Variants in LIPA observed in about 807,000 individuals in gnomAD.
The protein encoded by LIPA is lysosomal acid lipase/cholesteryl ester hydrolase.
Under a neutral mutation model 40.6 loss-of-function variants are expected in LIPA, and 26 were observed. The ratio of observed to expected loss-of-function variants is 0.64; its 90% CI spans 0.47 to 0.89. The LOEUF (loss-of-function observed/expected upper bound fraction) is 0.89. Ranked by LOEUF, LIPA falls within the 40% of genes least tolerant of loss-of-function variation. The probability of loss-of-function intolerance (pLI) is 0.00; values close to 1 mark genes in which losing one functional copy is unlikely to be tolerated. For missense variants in LIPA, 455 were observed against 479.6 expected, an observed-to-expected ratio of 0.95 and a Z score of 0.48; for synonymous variants, 188 against 168.4, an observed-to-expected ratio of 1.12 and a Z score of -0.90.
chr10:89,230,507 A>T (rs1456422622), intron 3 of LIPA, among the ~76,000 whole-genome samples: 1 of 152,060 alleles, frequency 6.6e-6, no homozygotes, highest in African/African-American at 2.4e-5. Flanking sequence ...GTGTTTCACC[A>T]TGTTCCCAGG....
chr10:89,232,729 G>GA lies in LIPA; in HGVS notation c.230-4332dup, dbSNP rs1327082143. Among the ~76,000 whole-genome samples, 21 of 152,314 alleles carry GA rather than the reference G, an allele frequency of 1.4e-4. No individual in the cohort carries two copies. In the East Asian group the frequency reaches 3.7e-3, roughly 27 times the overall value. On this transcript the variant is annotated intron_variant, in intron 3 of 9. Transcript: ENST00000336233. ...AGGACTCAGCTCCCCACCTTCTCTC[G>GA]ATGGAGAATGTTTAAAATTTCCCTA...
intron 1 of LIPA, among the ~76,000 whole-genome samples, chr10:89,324,702 G>A (rs980505415): frequency 6.6e-6 from 1 of 152,148 alleles, no homozygotes; most frequent in Non-Finnish European, 1.5e-5. Context: ...TTAAAAAGTG[G>A]GCAAAGGACA....
At chr10:89,405,816 A>G (rs1050321169) in intron 2 of LIPA, 2 of 152,194 alleles carry the variant, frequency 1.3e-5, no homozygotes, top group South Asian at 2.1e-4. Flanking sequence ...CCTTAATTTA[A>G]TAACATCTGC....
Position 89,214,607 on chromosome 10 carries a change from G to T in LIPA, c.*221C>A. The T allele has an allele frequency of 1.9e-6, 1 of 522,734 alleles. No homozygotes were observed. The highest frequency in any genetic ancestry group is 3.2e-5 in the Admixed American group (1 of 30,802). 32.4% of individuals were successfully genotyped at this position (522,734 alleles called of 1,614,324 possible). A position where few individuals can be genotyped will look rare whatever the true frequency, so the allele number is the denominator to read the frequency against. ...GACTTAAAGAGACAATACTATGGTT[G>T]AGACACTGGCTTCCTATTCCAGCCC... On this transcript the variant is annotated 3_prime_UTR_variant, in exon 10 of 10. Transcript: ENST00000336233.
chr10:89,366,433 CT>C (rs1184132957), intron 2 of LIPA, among the ~76,000 whole-genome samples: 1 of 152,120 alleles, frequency 6.6e-6, no homozygotes, highest in Non-Finnish European at 1.5e-5. Flanking sequence ...ATTGAATATC[CT>C]TTATTTCTTT....
intron 4 of LIPA, 21 bp downstream of exon 4, chr10:89,228,179 C>T: frequency 1.3e-6 from 2 of 1,594,306 alleles, no homozygotes; most frequent in Non-Finnish European, 1.7e-6. Flanking sequence ...TACATCCATG[C>T]CATTATCAAT....
chr10:89,269,706 A>G (rs576108998), intron 1 of LIPA, among the ~76,000 whole-genome samples: 4 of 152,238 alleles, frequency 2.6e-5, no homozygotes, highest in Non-Finnish European at 5.9e-5. Flanking sequence ...AGCTTCAAAA[A>G]TATTAATTTC....
At chr10:89,268,121 C>A (rs927709422) in intron 1 of LIPA, among the ~76,000 whole-genome samples, 4 of 152,216 alleles carry the variant, frequency 2.6e-5, no homozygotes, top group African/African-American at 9.6e-5. Context: ...TTCATATGAT[C>A]TTTATCCACT....
chr10:89,279,669 CA>C (rs1843305661), intron 1 of LIPA, among the ~76,000 whole-genome samples: 1 of 152,114 alleles, frequency 6.6e-6, no homozygotes, highest in Non-Finnish European at 1.5e-5. Context: ...AACCCACAAA[CA>C]AAAAGTGACC....
intron 1 of LIPA, among the ~76,000 whole-genome samples, chr10:89,249,283 C>G (rs1031754478): frequency 4.6e-5 from 7 of 152,218 alleles, no homozygotes; most frequent in African/African-American, 1.4e-4. Context: ...GACTCAAAAT[C>G]ACAGCAAAGA....
chr10:89,238,853 T>C (rs1035186402), intron 3 of LIPA, among the ~76,000 whole-genome samples: 9 of 152,346 alleles, frequency 5.9e-5, no homozygotes, highest in Admixed American at 3.9e-4. Context: ...CAGTAGGCTA[T>C]TAGTTAAATT....
intron 2 of LIPA, among the ~76,000 whole-genome samples, chr10:89,411,673 C>T (rs2458877): frequency 0.59 from 90,239 of 152,062 alleles, 27,820 homozygotes; most frequent in East Asian, 0.85. Flanking sequence ...TTGGCAGCAG[C>T]GACTCTCCAA....
chr10:89,315,616 A>G (rs539553092), intron 1 of LIPA, among the ~76,000 whole-genome samples: 1 of 152,296 alleles, frequency 6.6e-6, no homozygotes, highest in African/African-American at 2.4e-5. Flanking sequence ...GGTAGTATCA[A>G]CTCCTTCAGA....
chr10:89,369,502 G>GCC (rs10647746), intron 2 of LIPA, among the ~76,000 whole-genome samples: 34,984 of 152,052 alleles, frequency 0.23, 4,195 homozygotes, highest in African/African-American at 0.25. Context: ...TGGGAACCAA[G>GCC]CCATTGAGCT....
intron 1 of LIPA, among the ~76,000 whole-genome samples, chr10:89,272,447 C>G (rs1024090910): frequency 6.6e-6 from 1 of 152,190 alleles, no homozygotes; most frequent in Non-Finnish European, 1.5e-5. Flanking sequence ...TTTATTGCTG[C>G]GTAGTATTCC....
intron 2 of LIPA, among the ~76,000 whole-genome samples, chr10:89,361,517 C>G (rs1390992892): frequency 6.6e-6 from 1 of 152,136 alleles, no homozygotes. Flanking sequence ...AGCATTATTG[C>G]TTTTTTGATG....
chr10:89,228,453 G>C, intron 3 of LIPA, 55 bp from the exon 4 acceptor site: 1 of 1,374,942 alleles, frequency 7.3e-7, no homozygotes, highest in South Asian at 1.2e-5. Flanking sequence ...AAACAAATAT[G>C]ATATCTTGCT....
At chr10:89,414,598 C>G, upstream of LIPA, 1 of 487,680 alleles carries the variant, frequency 2.1e-6, no homozygotes. Context: ...CTGATTCAAT[C>G]TCCAGTTTCC....
intron 2 of LIPA, among the ~76,000 whole-genome samples, chr10:89,369,145 C>G (rs749015795): frequency 1.3e-5 from 2 of 152,210 alleles, no homozygotes; most frequent in Non-Finnish European, 2.9e-5. Context: ...ATAACTTGTA[C>G]ACACAACAGA....
Sources: allele counts gnomAD v4.1 joint callset (sites outside exome capture counted in the v4.1 genomes callset), GRCh38; gene constraint gnomAD v4.1.1; transcripts MANE v1.5; gene names NCBI Gene and HGNC (gene_info 2026-07-23, HGNC 2026-07-21).